CPED1: variants seen among roughly 807,000 people sequenced by gnomAD.
CPED1 encodes the protein cadherin like and PC-esterase domain containing 1.
CPED1 carries 114 observed loss-of-function variants against 128.2 expected under a neutral mutation model. That is an observed-to-expected ratio of 0.89 (90% CI 0.76 to 1.04). The LOEUF (loss-of-function observed/expected upper bound fraction) is 1.04, where lower values mean the gene tolerates loss of function less well. CPED1 is among the 50% of genes least tolerant of loss of function. The probability of loss-of-function intolerance (pLI) is 0.00; values close to 1 mark genes in which losing one functional copy is unlikely to be tolerated. For missense variants in CPED1, 1,211 were observed against 1,207.1 expected (o/e 1.00, Z -0.05); for synonymous variants, 462 against 426.7 (o/e 1.08, Z -1.02).
chr7:121,261,789 G>A (rs1792024055), intron 18 of CPED1: 1 of 1,498,878 alleles, frequency 6.7e-7, no homozygotes, highest in South Asian at 1.2e-5. Flanking sequence ...CTTTAATTGG[G>A]TTTGACCTAT....
chr7:121,199,697 A>AAAAGAAAG lies in CPED1; in HGVS notation c.2056-37001_2056-36994dup, dbSNP rs71170232. On this transcript the variant is annotated intron_variant, in intron 16 of 22. Transcript: ENST00000310396. ...TCAAAAAAAAAAAAAAAAAAAAAAAAAAAGAAAGAAAGAAAGAAAGAAAAG... is the reference window on the plus strand; with the variant it reads ...TCAAAAAAAAAAAAAAAAAAAAAAAAAAAGAAAGAAAGAAAGAAAGAAAGAAAGAAAAG... 5.1e-3 allele frequency among the ~76,000 whole-genome samples: 211 copies of AAAAGAAAG among 41,752 alleles called. 1 individual carries two copies. The highest frequency in any genetic ancestry group is 0.013 in the African/African-American group (135 of 10,542). 27.4% of individuals were successfully genotyped at this position (41,752 alleles called of 152,430 possible).
At chr7:120,996,833 ATCTGCCTGC>A in intron 2 of CPED1, among the ~76,000 whole-genome samples, 1 of 152,266 alleles carries the variant, frequency 6.6e-6, no homozygotes, top group South Asian at 2.1e-4. Flanking sequence ...TTACCCCTCC[ATCTGCCTGC>A]ATATTCTAGG....
At chr7:121,166,020 AT>A (rs1241045314) in intron 16 of CPED1, among the ~76,000 whole-genome samples, 6 of 152,152 alleles carry the variant, frequency 3.9e-5, no homozygotes, top group African/African-American at 1.4e-4. Flanking sequence ...CATCCTTCTT[AT>A]TGAATCAGTT....
intron 16 of CPED1, among the ~76,000 whole-genome samples, chr7:121,186,465 C>G (rs1421161327): frequency 2.0e-5 from 3 of 151,902 alleles, no homozygotes; most frequent in African/African-American, 7.3e-5. Flanking sequence ...TGTCCTTGGG[C>G]CAATATAATT....
At chr7:121,197,855 T>C (rs1198887557) in intron 16 of CPED1, among the ~76,000 whole-genome samples, 2 of 152,124 alleles carry the variant, frequency 1.3e-5, no homozygotes, top group Admixed American at 6.6e-5. Context: ...AATTGCCTCA[T>C]CTGTGGAGTA....
chr7:121,043,068 C>A (rs920296034), intron 3 of CPED1, among the ~76,000 whole-genome samples: 1 of 149,194 alleles, frequency 6.7e-6, no homozygotes, highest in Non-Finnish European at 1.5e-5. Context: ...AAACAATGAG[C>A]ATTTACTCCA....
chr7:121,081,912 A>G (rs1317033268), intron 5 of CPED1, among the ~76,000 whole-genome samples: 1 of 152,172 alleles, frequency 6.6e-6, no homozygotes, highest in African/African-American at 2.4e-5. Context: ...TCAACCCTCT[A>G]TAGCAGTTAA....
At chr7:121,142,240 C>T in intron 16 of CPED1, 99 bp downstream of exon 16, 1 of 1,111,882 alleles carries the variant, frequency 9.0e-7, no homozygotes, top group Non-Finnish European at 1.3e-6. Context: ...AATTGTATGC[C>T]TTGAAATCGA....
chr7:121,266,315 T>C lies in CPED1; in HGVS notation c.2399T>C (p.Val800Ala). ...LNETLQEWQK[V>A]HGTKFYHNVN... Reference sequence around the variant, plus strand: ...GAAACGTTGCAGGAATGGCAGAAAGTACATGGCACTAAATTCTATCACAAC... The same window carrying C: ...GAAACGTTGCAGGAATGGCAGAAAGCACATGGCACTAAATTCTATCACAAC... The change falls in exon 19 of 23, where the codon GTA becomes GCA. Residue 800 changes from valine (V) to alanine (A), a missense_variant. Transcript: ENST00000310396. 2 of 1,613,244 alleles carry C rather than the reference T, an allele frequency of 1.2e-6. No individual in the cohort carries two copies. Among genetic ancestry groups the C allele is most frequent in the Non-Finnish European group, 1.7e-6 (2 of 1,179,408 alleles).
intron 22 of CPED1, among the ~76,000 whole-genome samples, chr7:121,275,123 A>T (rs764405289): frequency 3.3e-5 from 5 of 152,102 alleles, no homozygotes; most frequent in Admixed American, 6.6e-5. Flanking sequence ...TTACAGTAAG[A>T]TATTGATGTT....
intron 16 of CPED1, among the ~76,000 whole-genome samples, chr7:121,155,913 A>G (rs1276459866): frequency 1.3e-5 from 2 of 152,210 alleles, no homozygotes; most frequent in Non-Finnish European, 2.9e-5. Context: ...TGAAGAGATA[A>G]CCTAAAAAAT....
intron 5 of CPED1, among the ~76,000 whole-genome samples, chr7:121,067,117 CT>C (rs11360367): frequency 0.89 from 134,110 of 151,496 alleles, 59,624 homozygotes; most frequent in Middle Eastern, 0.98. Flanking sequence ...GTTTGCATTT[CT>C]TTTTTTTTTA....
chr7:121,021,054 T>C (rs1188332960), intron 3 of CPED1, among the ~76,000 whole-genome samples: 1 of 151,860 alleles, frequency 6.6e-6, no homozygotes, highest in Non-Finnish European at 1.5e-5. Flanking sequence ...CAATAAATAG[T>C]ATTTATTGGA....
intron 3 of CPED1, among the ~76,000 whole-genome samples, chr7:121,017,944 C>G (rs187115976): frequency 2.6e-5 from 4 of 152,244 alleles, no homozygotes; most frequent in Admixed American, 2.6e-4. Flanking sequence ...CCCACATTCC[C>G]ACAGCTTTTA....
intron 6 of CPED1, among the ~76,000 whole-genome samples, chr7:121,099,156 T>A (rs1794777704): frequency 6.6e-6 from 1 of 151,916 alleles, no homozygotes; most frequent in African/African-American, 2.4e-5. Flanking sequence ...ATTTAAAAAC[T>A]TAACATTTTT....
intron 4 of CPED1, among the ~76,000 whole-genome samples, chr7:121,053,040 A>T (rs1793398229): frequency 6.6e-6 from 1 of 152,116 alleles, no homozygotes; most frequent in Admixed American, 6.5e-5. Context: ...TTTTGTCATA[A>T]TTTTAGACTT....
intron 16 of CPED1, among the ~76,000 whole-genome samples, chr7:121,219,378 G>C (rs1308626347): frequency 1.3e-5 from 2 of 151,920 alleles, no homozygotes; most frequent in Non-Finnish European, 2.9e-5. Context: ...TCAGCAAGCA[G>C]GACCACATTG....
chr7:121,223,684 A>G (rs1797938471), intron 16 of CPED1, among the ~76,000 whole-genome samples: 2 of 151,808 alleles, frequency 1.3e-5, no homozygotes, highest in African/African-American at 2.4e-5. Flanking sequence ...TAGTTTAGTC[A>G]TGGGAGTTGT....
intron 4 of CPED1, among the ~76,000 whole-genome samples, chr7:121,056,719 A>G (rs563379358): frequency 6.6e-6 from 1 of 151,872 alleles, no homozygotes; most frequent in East Asian, 1.9e-4. Flanking sequence ...TGGAACTTCT[A>G]TTTGTCATGG....
Sources: allele counts gnomAD v4.1 joint callset (sites outside exome capture counted in the v4.1 genomes callset), GRCh38; gene constraint gnomAD v4.1.1; transcripts MANE v1.5; gene names NCBI Gene and HGNC (gene_info 2026-07-23, HGNC 2026-07-21).